The following EFCAB11 variants were observed in gnomAD, a reference collection of about 807,000 sequenced individuals.
EFCAB11 encodes EF-hand calcium binding domain 11.
In EFCAB11, 14 loss-of-function variants were observed where a neutral mutation model predicts 23.0. The observed-to-expected ratio is 0.61, with a 90% confidence interval of 0.40 to 0.95. EFCAB11 has a LOEUF of 0.95. Among genes scored for constraint, EFCAB11 ranks in the 40% least tolerant of loss-of-function variants. EFCAB11 has a pLI of 0.00. For missense variants in EFCAB11, 198 were observed against 195.8 expected (o/e 1.01, Z -0.07); for synonymous variants, 65 against 66.6 (o/e 0.98, Z 0.11).
intron 5 of EFCAB11, among the ~76,000 whole-genome samples, chr14:89,892,844 G>A (rs767439525): frequency 6.6e-6 from 1 of 152,118 alleles, no homozygotes; most frequent in Non-Finnish European, 1.5e-5. Context: ...AGAGATTGCA[G>A]TGAGCCAAGA....
intron 5 of EFCAB11, among the ~76,000 whole-genome samples, chr14:89,802,400 A>T (rs7148064): frequency 0.057 from 8,623 of 151,972 alleles, 704 homozygotes; most frequent in African/African-American, 0.17. Flanking sequence ...TTAATTAATT[A>T]ATTTATTTAG....
intron 5 of EFCAB11, among the ~76,000 whole-genome samples, chr14:89,799,826 A>G (rs1420689530): frequency 2.6e-5 from 4 of 152,112 alleles, no homozygotes; most frequent in Admixed American, 6.5e-5. Flanking sequence ...TAGAAAATCT[A>G]TTACCTCCCA....
intron 5 of EFCAB11, among the ~76,000 whole-genome samples, chr14:89,872,565 T>C (rs190717835): frequency 9.2e-5 from 14 of 152,104 alleles, no homozygotes; most frequent in Non-Finnish European, 1.8e-4. Context: ...GGAAACAAAG[T>C]GGGAGAGTGA....
chr14:89,834,403 A>AAAAAAAC lies in EFCAB11; in HGVS notation c.411-37080_411-37079insGTTTTTT, dbSNP rs67216494. Among the ~76,000 whole-genome samples the AAAAAAAC allele has an allele frequency of 5.8e-4, 59 of 101,430 alleles. 3 individuals carry two copies. The highest frequency in any genetic ancestry group is 7.1e-4 in the Non-Finnish European group (36 of 50,662). 66.5% of individuals were successfully genotyped at this position (101,430 alleles called of 152,430 possible). ...AAAAAAAAAAAAAAAAAAAAAAAAA[A>AAAAAAAC]CCTTTTTGTTTAAACTTCTAAAGAT... On this transcript the variant is annotated intron_variant, in intron 5 of 5. Transcript: ENST00000316738.
At chr14:89,894,887 G>A (rs376199155) in intron 5 of EFCAB11, among the ~76,000 whole-genome samples, 115 of 152,150 alleles carry the variant, frequency 7.6e-4, no homozygotes, top group African/African-American at 2.6e-3. Flanking sequence ...CAACAAAAAC[G>A]ATAAAATATG....
At chr14:89,921,516 G>A (rs988277920) in intron 5 of EFCAB11, among the ~76,000 whole-genome samples, 32 of 152,304 alleles carry the variant, frequency 2.1e-4, no homozygotes, top group African/African-American at 6.7e-4. Flanking sequence ...TATTAAACAT[G>A]TCTGACTCAG....
intron 5 of EFCAB11, among the ~76,000 whole-genome samples, chr14:89,914,699 C>T (rs1188557039): frequency 1.3e-5 from 2 of 151,944 alleles, no homozygotes; most frequent in Non-Finnish European, 1.5e-5. Flanking sequence ...GTATGAGAAT[C>T]GCTTGAATCT....
chr14:89,899,719 AG>A (rs1227809248), intron 5 of EFCAB11, among the ~76,000 whole-genome samples: 16 of 152,268 alleles, frequency 1.1e-4, no homozygotes, highest in Non-Finnish European at 2.1e-4. Flanking sequence ...CCAAAGGGCT[AG>A]GAGACATGAT....
At chr14:89,899,179 T>C (rs1889266333) in intron 5 of EFCAB11, among the ~76,000 whole-genome samples, 1 of 152,214 alleles carries the variant, frequency 6.6e-6, no homozygotes, top group Non-Finnish European at 1.5e-5. Flanking sequence ...ACTTGTTTTA[T>C]GGTATAGCCT....
chr14:89,953,541 A>G (rs1891273581), intron 2 of EFCAB11, among the ~76,000 whole-genome samples: 1 of 152,182 alleles, frequency 6.6e-6, no homozygotes, highest in Non-Finnish European at 1.5e-5. Flanking sequence ...CCGTGGATGT[A>G]TTTTATAAAC....
At chr14:89,933,366 T>C (rs1034440484) in intron 3 of EFCAB11, among the ~76,000 whole-genome samples, 1 of 152,198 alleles carries the variant, frequency 6.6e-6, no homozygotes, top group African/African-American at 2.4e-5. Context: ...GCTCTACATA[T>C]ATAAAAAGAG....
chr14:89,853,930 G>C (rs1887670780), intron 5 of EFCAB11, among the ~76,000 whole-genome samples: 2 of 152,234 alleles, frequency 1.3e-5, no homozygotes, highest in South Asian at 4.2e-4. Flanking sequence ...ACAAAAAAGA[G>C]AATAAGCTAC....
Position 89,823,996 on chromosome 14 carries a change from G to A in EFCAB11, c.411-26672C>T, listed in dbSNP as rs142697002. Among the ~76,000 whole-genome samples, 1,038 of 152,118 alleles carry A rather than the reference G, an allele frequency of 6.8e-3. 6 individuals carry two copies. Among genetic ancestry groups the A allele is most frequent in the Non-Finnish European group, 0.011 (743 of 67,994 alleles). On this transcript the variant is annotated intron_variant, in intron 5 of 5. Coordinates refer to ENST00000316738, the MANE Select transcript of EFCAB11 (RefSeq NM_145231.4). ...CATAATTGGAGTACCAGAAGGTTGA[G>A]GAAGAAGAAAAAAACATTCAAAAGA...
chr14:89,843,580 A>G (rs1887339151), intron 5 of EFCAB11, among the ~76,000 whole-genome samples: 2 of 152,230 alleles, frequency 1.3e-5, no homozygotes, highest in African/African-American at 2.4e-5. Flanking sequence ...CTTGTGCTAC[A>G]CTGTAACTCA....
chr14:89,866,086 G>A (rs896179003), intron 5 of EFCAB11, among the ~76,000 whole-genome samples: 5 of 152,120 alleles, frequency 3.3e-5, no homozygotes, highest in Non-Finnish European at 7.4e-5. Context: ...TGCCTGGCCT[G>A]ACAAAATTTT....
intron 3 of EFCAB11, among the ~76,000 whole-genome samples, chr14:89,933,393 C>T (rs1280081595): frequency 6.6e-6 from 1 of 150,580 alleles, no homozygotes; most frequent in African/African-American, 2.5e-5. Context: ...ATTTTTATAA[C>T]TCAGAATTTC....
rs1380035783 is a variant in EFCAB11 at position 89,795,775 on chromosome 14, AAATTTT to A, written c.*1462_*1467del. On this transcript the variant is annotated 3_prime_UTR_variant, in exon 6 of 6. Transcript: ENST00000316738. Reference sequence around the variant, plus strand: ...AAATTTACAATTTTACTTGACCTTTAAATTTTAACACTTAAAAAGTGAATTATATTA... The same window carrying A: ...AAATTTACAATTTTACTTGACCTTTAAACACTTAAAAAGTGAATTATATTA... The A allele has an allele frequency of 1.3e-5, 2 of 152,232 alleles. No individual in the cohort carries two copies. The highest frequency in any genetic ancestry group is 2.9e-5 in the Non-Finnish European group (2 of 68,046). The allele number at this position is 152,232 out of a possible 1,614,324, so 9.4% of individuals were successfully genotyped here. A position where few individuals can be genotyped will look rare whatever the true frequency, so the allele number is the denominator to read the frequency against.
chr14:89,954,564 C>G (rs1015436866), intron 1 of EFCAB11, 22 bp downstream of exon 1: 3 of 1,612,370 alleles, frequency 1.9e-6, no homozygotes, highest in African/African-American at 2.7e-5. Flanking sequence ...GTCCGAGGCT[C>G]AGTCGCCCTC....
chr14:89,869,363 A>T (rs1032612358), intron 5 of EFCAB11, among the ~76,000 whole-genome samples: 4 of 152,230 alleles, frequency 2.6e-5, no homozygotes, highest in Non-Finnish European at 5.9e-5. Flanking sequence ...TAAAAGGGAT[A>T]GTCAAATCTC....
Sources: gnomAD v4.1 joint callset for allele counts (sites outside exome capture counted in the v4.1 genomes callset) on GRCh38, gnomAD v4.1.1 for gene constraint, MANE v1.5 for transcripts, NCBI Gene and HGNC (gene_info 2026-07-23, HGNC 2026-07-21) for gene names.